The following GDE1 variants were observed in gnomAD, a reference collection of about 807,000 sequenced individuals.
The protein encoded by GDE1 is RGS16-interacting membrane protein.
GDE1 carries 24 observed loss-of-function variants against 32.2 expected under a neutral mutation model. The observed-to-expected ratio is 0.75, with a 90% CI of 0.54 to 1.05. GDE1 has a LOEUF of 1.05. GDE1 is among the 50% of genes least tolerant of loss of function. The pLI is 0.00. For synonymous variants in GDE1, 159 were observed against 158.6 expected (o/e 1.00, Z -0.02); for missense variants, 380 against 415.0 (o/e 0.92, Z 0.73).
intron 3 of GDE1, among the ~76,000 whole-genome samples, chr16:19,509,151 A>C (rs957503869): frequency 1.3e-5 from 2 of 152,050 alleles, no homozygotes; most frequent in African/African-American, 4.8e-5. Flanking sequence ...AATATACAAA[A>C]ATTAGCCGGG....
intron 1 of GDE1, among the ~76,000 whole-genome samples, chr16:19,518,249 C>T (rs544505703): frequency 1.3e-5 from 2 of 152,248 alleles, no homozygotes; most frequent in East Asian, 3.9e-4. Context: ...CAAACATCTA[C>T]AGTAAAAAAG....
In GDE1 at chr16:19,502,988, A is replaced by G; in HGVS notation, c.*482T>C. 1 of 153,704 alleles carries G rather than the reference A, an allele frequency of 6.5e-6. No homozygotes were observed. Among genetic ancestry groups the G allele is most frequent in the Non-Finnish European group, 1.5e-5 (1 of 68,932 alleles). 9.5% of individuals were successfully genotyped at this position (153,704 alleles called of 1,614,324 possible). A position where few individuals can be genotyped will look rare whatever the true frequency, so the allele number is the denominator to read the frequency against. On this transcript the variant is annotated 3_prime_UTR_variant, in exon 6 of 6. Coordinates refer to ENST00000353258, the MANE Select transcript of GDE1 (RefSeq NM_016641.4). Reference sequence around the variant, plus strand: ...CCTTAGGATATGATGCTTGGCACACAGTTTTCCTTTAGTGCTCCTTTTAAT... The same window carrying G: ...CCTTAGGATATGATGCTTGGCACACGGTTTTCCTTTAGTGCTCCTTTTAAT...
chr16:19,521,815 C>T lies in GDE1; in HGVS notation c.150G>A (p.Val50=). The stretch of plus-strand genomic sequence containing the variant: ...GCACCTGCAGGGCCCTGCAAGAGGG[C>T]ACCGGCTCAAAGCTGAAGACGCGCA... ...VLLRVFSFEP[V]PSCRALQVLK... Residue 50 remains valine (V), a synonymous_variant, in exon 1 of 6, where the codon GTG becomes GTA. Transcript: ENST00000353258. 1.2e-6 allele frequency: 2 copies of T among 1,611,382 alleles called. No individual in the cohort carries two copies. Among genetic ancestry groups the T allele is most frequent in the Admixed American group, 1.7e-5 (1 of 59,720 alleles).
At position 19,503,380 on chromosome 16, in the gene GDE1, C is replaced by G; in HGVS notation, c.*90G>C. The G allele has an allele frequency of 8.6e-7, 1 of 1,168,264 alleles. No homozygotes were observed. The highest frequency in any genetic ancestry group is 1.5e-5 in the South Asian group (1 of 68,692). 72.4% of individuals were successfully genotyped at this position (1,168,264 alleles called of 1,614,324 possible). A position where few individuals can be genotyped will look rare whatever the true frequency, so the allele number is the denominator to read the frequency against. On this transcript the variant is annotated 3_prime_UTR_variant, in exon 6 of 6. Transcript: ENST00000353258. ...GCATTTGTGTGAGTCACCTGATTCC[C>G]CAGGGCCTGGGCTAGCACAAAGGGT...
Position 19,504,928 on chromosome 16 carries a change from G to T in GDE1, c.801C>A (p.Tyr267Ter), listed in dbSNP as rs369924505. The change falls in exon 5 of 6, where the codon TAC becomes TAA. Residue 267 changes from tyrosine to a stop codon, truncating the protein, a stop_gained. Transcript: ENST00000353258. LOFTEE classifies it high-confidence loss of function. The part of the protein sequence containing the change: ...LDWSMHNILW[Y>*]LCGISAFLMQ... ...TGAGGAAAGCTGAAATTCCACACAG[G>T]TACCACAAGATATTATGCATGCTCC... The T allele has an allele frequency of 1.7e-5, 27 of 1,613,440 alleles. No homozygotes were observed. Among genetic ancestry groups the T allele is most frequent in the Non-Finnish European group, 2.3e-5 (27 of 1,179,612 alleles).
chr16:19,508,270 C>T (rs936709207), intron 3 of GDE1, among the ~76,000 whole-genome samples: 10 of 152,062 alleles, frequency 6.6e-5, no homozygotes, highest in Admixed American at 1.3e-4. Flanking sequence ...AGTAATGGGG[C>T]AAGGGTAGGA....
intron 2 of GDE1, among the ~76,000 whole-genome samples, chr16:19,515,670 CAA>C: frequency 6.6e-6 from 1 of 152,282 alleles, no homozygotes; most frequent in Middle Eastern, 3.4e-3. Flanking sequence ...TCATAATTCT[CAA>C]GTGTTACCAA....
chr16:19,504,158 GCA>G (rs914300117), intron 5 of GDE1: 1 of 152,972 alleles, frequency 6.5e-6, no homozygotes, highest in Non-Finnish European at 1.5e-5. Flanking sequence ...TATAGCCCAT[GCA>G]CAGTTTTCTC....
At chr16:19,519,733 C>G (rs1969425967) in intron 1 of GDE1, among the ~76,000 whole-genome samples, 1 of 152,006 alleles carries the variant, frequency 6.6e-6, no homozygotes, top group Non-Finnish European at 1.5e-5. Context: ...GCCTGTGATC[C>G]CAGCACTTTG....
At chr16:19,514,873 C>A (rs1467878478) in intron 2 of GDE1, among the ~76,000 whole-genome samples, 3 of 151,996 alleles carry the variant, frequency 2.0e-5, no homozygotes, top group Admixed American at 2.0e-4. Flanking sequence ...TCGAGACCAG[C>A]CTGGCCAACA....
intron 2 of GDE1, among the ~76,000 whole-genome samples, chr16:19,512,927 TTGTGTGTG>T (rs144957791): frequency 9.7e-4 from 133 of 137,086 alleles, no homozygotes; most frequent in African/African-American, 2.0e-3. Flanking sequence ...TGTATCTGTT[TTGTGTGTG>T]TGTGTGTGTG....
intron 5 of GDE1, 174 bp from the exon 6 acceptor site, chr16:19,503,791 C>A: frequency 1.8e-6 from 1 of 553,268 alleles, no homozygotes; most frequent in Non-Finnish European, 3.2e-6. Flanking sequence ...TGCCATGAAC[C>A]TCCTCTACAC....
chr16:19,521,775 G>T lies in GDE1; in HGVS notation c.190C>A (p.Arg64Ser), dbSNP rs143742836. Residue 64 changes from arginine (R) to serine (S), a missense_variant, in exon 1 of 6, where the codon CGC becomes AGC. Physicochemically the swap from Arg to Ser is moderately radical, Grantham distance 110. Coordinates refer to ENST00000353258, the MANE Select transcript of GDE1 (RefSeq NM_016641.4). ...RALQVLKPRD[R>S]ISAIAHRGGS... is the part of the protein sequence containing the mutation. ...CCACGGTGGGCGATGGCAGAAATGC[G>T]GTCCCGGGGCTTGAGCACCTGCAGG... 1 of 1,611,968 alleles carries T rather than the reference G, an allele frequency of 6.2e-7. No homozygotes were observed. Among genetic ancestry groups the T allele is most frequent in the African/African-American group, 1.3e-5 (1 of 75,040 alleles).
intron 3 of GDE1, among the ~76,000 whole-genome samples, chr16:19,509,522 G>A (rs148593134): frequency 3.3e-5 from 5 of 152,156 alleles, no homozygotes; most frequent in East Asian, 1.9e-4. Context: ...TGATTCTAAC[G>A]CAGACCAATT....
At chr16:19,505,165 A>C (rs1435433453) in intron 4 of GDE1, 73 bp from the exon 5 acceptor site, 3 of 1,026,040 alleles carry the variant, frequency 2.9e-6, no homozygotes, top group Admixed American at 3.5e-5. Context: ...AGATTTAGCC[A>C]ATGTGCTCAA....
chr16:19,507,132 C>T (rs898679366), intron 4 of GDE1, among the ~76,000 whole-genome samples: 25 of 146,128 alleles, frequency 1.7e-4, no homozygotes, highest in Non-Finnish European at 3.0e-4. Context: ...GAGGGAGAAC[C>T]CGTCTTTTAA....
At position 19,505,005 on chromosome 16, in the gene GDE1, C is replaced by T; in HGVS notation, c.724G>A (p.Asp242Asn). 6 of 1,612,854 alleles carry T rather than the reference C, an allele frequency of 3.7e-6. No individual in the cohort carries two copies. Among genetic ancestry groups the T allele is most frequent in the Non-Finnish European group, 5.1e-6 (6 of 1,178,806 alleles). The change falls in exon 5 of 6, where the codon GAT (aspartate) becomes AAT (asparagine). Residue 242 changes from aspartate to asparagine, a missense_variant. By Grantham distance (23) the Asp-to-Asn change is conservative. Coordinates refer to ENST00000353258, the MANE Select transcript of GDE1 (RefSeq NM_016641.4). ...AATATAAAATGTTTCCAGAAAGTAT[C>T]ATAGCGTGGTTTCCCATCTCCTGTA... ...SHTGDGKPRYDTFWKHFIFVM... is the reference protein window; with the variant it reads ...SHTGDGKPRYNTFWKHFIFVM...
rs865843750 is a variant in GDE1 at position 19,509,686 on chromosome 16, G to C, written c.543+1153C>G. On this transcript the variant is annotated intron_variant, in intron 3 of 5. Coordinates refer to ENST00000353258, the MANE Select transcript of GDE1 (RefSeq NM_016641.4). Reference sequence around the variant, plus strand: ...GTTTTTTTTTTTTTTTTGAGACGGAGTCTCGCTCTGTCACCCAGGCTGGAG... The same window carrying C: ...GTTTTTTTTTTTTTTTTGAGACGGACTCTCGCTCTGTCACCCAGGCTGGAG... 5.4e-5 allele frequency among the ~76,000 whole-genome samples: 8 copies of C among 147,154 alleles called. No individual in the cohort carries two copies. In the South Asian group the frequency reaches 6.4e-4, roughly 12 times the overall value.
intron 3 of GDE1, among the ~76,000 whole-genome samples, chr16:19,509,157 C>T (rs990435530): frequency 3.9e-5 from 6 of 152,104 alleles, no homozygotes; most frequent in Non-Finnish European, 7.3e-5. Flanking sequence ...CAAAAATTAG[C>T]CGGGTGTGAT....
Sources: allele counts gnomAD v4.1 joint callset (sites outside exome capture counted in the v4.1 genomes callset), GRCh38; gene constraint gnomAD v4.1.1; transcripts MANE v1.5; gene names NCBI Gene and HGNC (gene_info 2026-07-23, HGNC 2026-07-21).